Variants in FLVCR2 observed in about 807,000 individuals in gnomAD.
FLVCR2 encodes FLVCR choline and putative heme transporter 2.
FLVCR2 carries 38 observed loss-of-function variants against 48.9 expected under a neutral mutation model. That is an observed-to-expected ratio of 0.78 (90% CI 0.60 to 1.02). FLVCR2 has a LOEUF of 1.02. Ranked by LOEUF, FLVCR2 falls within the 50% of genes least tolerant of loss-of-function variation. The pLI is 0.00. For synonymous variants in FLVCR2, 255 were observed against 257.0 expected, an observed-to-expected ratio of 0.99 and a Z score of 0.07; for missense variants, 664 against 663.3, an observed-to-expected ratio of 1.00 and a Z score of -0.01.
At chr14:75,631,694 G>A in intron 3 of FLVCR2, 6 of 451,048 alleles carry the variant, frequency 1.3e-5, no homozygotes, top group Non-Finnish European at 2.7e-5. Context: ...GAGAGGAGCG[G>A]GAGGAATGAA....
At chr14:75,617,975 A>AT (rs1280977196) in intron 1 of FLVCR2, among the ~76,000 whole-genome samples, 1 of 152,206 alleles carries the variant, frequency 6.6e-6, no homozygotes, top group Non-Finnish European at 1.5e-5. Flanking sequence ...CAAACTCCCC[A>AT]TGGTCACTTG....
intron 1 of FLVCR2, among the ~76,000 whole-genome samples, chr14:75,606,889 C>T (rs1331668592): frequency 3.3e-5 from 5 of 151,460 alleles, no homozygotes; most frequent in Non-Finnish European, 5.9e-5. Flanking sequence ...GGTTGCAGTG[C>T]GCCAAGATCA....
At chr14:75,589,110 G>A (rs1196305663) in intron 1 of FLVCR2, among the ~76,000 whole-genome samples, 5 of 152,022 alleles carry the variant, frequency 3.3e-5, no homozygotes, top group Admixed American at 3.3e-4. Flanking sequence ...CAGCTACTTG[G>A]GAGGCTGAGG....
At chr14:75,609,880 G>C (rs1176295180) in intron 1 of FLVCR2, among the ~76,000 whole-genome samples, 2 of 147,512 alleles carry the variant, frequency 1.4e-5, no homozygotes, top group Non-Finnish European at 3.0e-5. Context: ...AGGTCAGGGA[G>C]TGGCACCTTT....
intron 3 of FLVCR2, 42 bp from the exon 4 acceptor site, chr14:75,633,587 G>GA: frequency 6.5e-7 from 1 of 1,547,236 alleles, no homozygotes; most frequent in Non-Finnish European, 8.9e-7. Flanking sequence ...GGCCCCAGAA[G>GA]AAAGCTGACC....
intron 3 of FLVCR2, among the ~76,000 whole-genome samples, chr14:75,629,391 T>TC (rs1889982988): frequency 2.0e-5 from 3 of 152,148 alleles, no homozygotes; most frequent in Non-Finnish European, 4.4e-5. Flanking sequence ...GTTGCGGAAA[T>TC]ATCATATCAG....
intron 1 of FLVCR2, among the ~76,000 whole-genome samples, chr14:75,580,133 G>A (rs1302117847): frequency 1.3e-5 from 2 of 152,210 alleles, no homozygotes; most frequent in Non-Finnish European, 2.9e-5. Context: ...CACAGCTGAA[G>A]CCAGGACAGT....
At chr14:75,633,814 T>C (rs1025756931) in intron 4 of FLVCR2, 118 bp downstream of exon 4, 4 of 827,872 alleles carry the variant, frequency 4.8e-6, no homozygotes, top group Non-Finnish European at 8.5e-6. Flanking sequence ...TAGGGTGATA[T>C]GGTGGTATGC....
intron 1 of FLVCR2, among the ~76,000 whole-genome samples, chr14:75,602,262 T>G (rs1362724002): frequency 6.6e-6 from 1 of 152,144 alleles, no homozygotes; most frequent in Non-Finnish European, 1.5e-5. Flanking sequence ...GGTAGGGGGA[T>G]GGGGTTGTAC....
intron 9 of FLVCR2, among the ~76,000 whole-genome samples, chr14:75,643,795 C>T (rs1890354831): frequency 6.6e-6 from 1 of 152,118 alleles, no homozygotes; most frequent in Non-Finnish European, 1.5e-5. Flanking sequence ...TGATTTGGTA[C>T]ACTGGCCGGG....
chr14:75,638,907 A>G (rs1890234355), intron 5 of FLVCR2, among the ~76,000 whole-genome samples: 3 of 152,208 alleles, frequency 2.0e-5, no homozygotes, highest in Non-Finnish European at 4.4e-5. Flanking sequence ...AGAAAGTTCT[A>G]TGAAAGAAAA....
chr14:75,631,723 CTA>C (rs1240015507), intron 3 of FLVCR2: 2 of 455,528 alleles, frequency 4.4e-6, no homozygotes, highest in Admixed American at 4.7e-5. Flanking sequence ...CGGGAGGAGA[CTA>C]TTTTCTTTCT....
chr14:75,609,239 C>T (rs1371370253), intron 1 of FLVCR2, among the ~76,000 whole-genome samples: 2 of 152,128 alleles, frequency 1.3e-5, no homozygotes, highest in African/African-American at 4.8e-5. Context: ...GTAGAGTTCA[C>T]ATTGAAGGGA....
rs529114584 is a variant in FLVCR2, at chr14:75,609,621, G to A, written c.670-12458G>A. 9.9e-5 allele frequency among the ~76,000 whole-genome samples: 15 copies of A among 152,210 alleles called. 1 individual carries two copies. The highest frequency in any genetic ancestry group is 4.2e-4 in the South Asian group (2 of 4,816). On this transcript the variant is annotated intron_variant, in intron 1 of 9. Transcript: ENST00000238667. ...TGAAGTGCATGCTCCAGAGGAACTG[G>A]GTTTTGCCCATGGCAGTCCATGAAG...
chr14:75,614,769 G>T (rs1889564059), intron 1 of FLVCR2, among the ~76,000 whole-genome samples: 1 of 152,184 alleles, frequency 6.6e-6, no homozygotes, highest in African/African-American at 2.4e-5. Context: ...GGCTAGGGAG[G>T]CCTCAGGAAA....
At chr14:75,618,882 A>C (rs1288270739) in intron 1 of FLVCR2, among the ~76,000 whole-genome samples, 1 of 142,624 alleles carries the variant, frequency 7.0e-6, no homozygotes, top group Non-Finnish European at 1.5e-5. Context: ...GCTGAGCAGC[A>C]GGGTTTTTTT....
chr14:75,635,125 G>A, intron 5 of FLVCR2, 112 bp downstream of exon 5: 2 of 755,208 alleles, frequency 2.6e-6, no homozygotes, highest in South Asian at 1.5e-5. Flanking sequence ...GGCCAAGCAG[G>A]TCATTCAAGT....
At position 75,605,872 on chromosome 14, in the gene FLVCR2, G is replaced by T. The variant is rs116091794; in HGVS notation, c.670-16207G>T. Reference sequence around the variant, plus strand: ...TCTCCTTTTTTTCTTCTCTCCCCTGGAAACTCCTGATTTCTGCATACAATG... The same window carrying T: ...TCTCCTTTTTTTCTTCTCTCCCCTGTAAACTCCTGATTTCTGCATACAATG... On this transcript the variant is annotated intron_variant, in intron 1 of 9. Transcript: ENST00000238667. 3,086 of 515,238 alleles carry T rather than the reference G, an allele frequency of 6.0e-3. 65 individuals carry two copies. Among genetic ancestry groups the T allele is most frequent in the African/African-American group, 0.051 (2,678 of 52,130 alleles). The allele number at this position is 515,238 out of a possible 1,614,324, so 31.9% of individuals were successfully genotyped here.
chr14:75,612,439 G>C (rs1432280189), intron 1 of FLVCR2, among the ~76,000 whole-genome samples: 1 of 152,180 alleles, frequency 6.6e-6, no homozygotes, highest in African/African-American at 2.4e-5. Flanking sequence ...AGTTCTTAGA[G>C]ATCTTAGCTT....
Sources: gnomAD v4.1 joint callset for allele counts (sites outside exome capture counted in the v4.1 genomes callset) on GRCh38, gnomAD v4.1.1 for gene constraint, MANE v1.5 for transcripts, NCBI Gene and HGNC (gene_info 2026-07-23, HGNC 2026-07-21) for gene names.